Variants in FMN1 observed in about 807,000 individuals in gnomAD.
FMN1 encodes the protein formin-1.
A neutral mutation model predicts 132.4 loss-of-function variants in FMN1; 110 were observed. The observed-to-expected ratio is 0.83, with a 90% CI of 0.71 to 0.97. The LOEUF is 0.97. Ranked by LOEUF, FMN1 falls within the 50% of genes least tolerant of loss-of-function variation. The pLI, the probability that FMN1 is intolerant of heterozygous loss-of-function variation, is 0.00. For synonymous variants in FMN1, 722 were observed against 651.7 expected (o/e 1.11, Z -1.64); for missense variants, 1,792 against 1,705.3 (o/e 1.05, Z -0.90).
intron 17 of FMN1, among the ~76,000 whole-genome samples, chr15:32,813,953 T>C (rs1366393965): frequency 6.6e-6 from 1 of 152,186 alleles, no homozygotes; most frequent in Non-Finnish European, 1.5e-5. Context: ...AGGTGGTATT[T>C]TGAAGCTGCA....
intron 5 of FMN1, among the ~76,000 whole-genome samples, chr15:33,076,276 A>T (rs2038204829): frequency 1.3e-5 from 2 of 152,198 alleles, no homozygotes. Context: ...TTTCATTGTG[A>T]CTAAGTTGCT....
chr15:32,849,473 T>TTA (rs1555472304), intron 17 of FMN1, among the ~76,000 whole-genome samples: 10 of 151,528 alleles, frequency 6.6e-5, no homozygotes, highest in African/African-American at 2.4e-4. Flanking sequence ...ACTTTTTTTT[T>TTA]AAAAAAGATG....
intron 7 of FMN1, among the ~76,000 whole-genome samples, chr15:33,005,092 T>A (rs901950901): frequency 6.6e-6 from 1 of 152,004 alleles, no homozygotes; most frequent in Non-Finnish European, 1.5e-5. Flanking sequence ...TAATGCTAAA[T>A]GATGAGTTAA....
At chr15:33,108,846 TC>T (rs1441338080) in intron 4 of FMN1, among the ~76,000 whole-genome samples, 6 of 152,080 alleles carry the variant, frequency 3.9e-5, no homozygotes, top group African/African-American at 9.7e-5. Flanking sequence ...AAAAAGCAAT[TC>T]ATCCTAAATT....
chr15:33,175,075 G>A (rs1965469421), intron 3 of FMN1, among the ~76,000 whole-genome samples: 1 of 151,918 alleles, frequency 6.6e-6, no homozygotes, highest in South Asian at 2.1e-4. Context: ...CTGGAAGGTG[G>A]AGTGCAGTGG....
At chr15:32,894,377 G>A (rs2060104071) in intron 15 of FMN1, among the ~76,000 whole-genome samples, 1 of 151,928 alleles carries the variant, frequency 6.6e-6, no homozygotes, top group African/African-American at 2.4e-5. Flanking sequence ...CCAGCTACTT[G>A]GAAGGCTGAG....
intron 4 of FMN1, among the ~76,000 whole-genome samples, chr15:33,121,209 G>C (rs1212425562): frequency 6.6e-6 from 1 of 152,184 alleles, no homozygotes; most frequent in African/African-American, 2.4e-5. Context: ...TATCAATAGA[G>C]CAGTGGGTCC....
intron 7 of FMN1, among the ~76,000 whole-genome samples, chr15:32,988,240 T>C (rs993833602): frequency 7.2e-5 from 11 of 151,996 alleles, no homozygotes; most frequent in Admixed American, 6.6e-4. Context: ...CAAGCTCCTA[T>C]TTGTAAACCC....
At chr15:32,806,490 C>G (rs1433990239) in intron 17 of FMN1, among the ~76,000 whole-genome samples, 2 of 152,200 alleles carry the variant, frequency 1.3e-5, no homozygotes, top group African/African-American at 4.8e-5. Flanking sequence ...CATAATCTTC[C>G]TCATTGATTT....
chr15:33,021,448 C>T (rs547373853), intron 6 of FMN1, among the ~76,000 whole-genome samples: 86 of 151,386 alleles, frequency 5.7e-4, no homozygotes, highest in African/African-American at 2.0e-3. Context: ...TCTATGCATA[C>T]ACACACACAC....
chr15:32,894,998 T>G (rs948960246), intron 15 of FMN1, among the ~76,000 whole-genome samples: 1 of 152,210 alleles, frequency 6.6e-6, no homozygotes, highest in African/African-American at 2.4e-5. Flanking sequence ...ATTATTCCAG[T>G]GTGTGACTCT....
At chr15:32,809,366 C>A (rs1392480796) in intron 17 of FMN1, among the ~76,000 whole-genome samples, 1 of 152,148 alleles carries the variant, frequency 6.6e-6, no homozygotes, top group Non-Finnish European at 1.5e-5. Context: ...ACCAAAACTG[C>A]CATTTTAGAA....
intron 16 of FMN1, among the ~76,000 whole-genome samples, chr15:32,880,937 T>C (rs2059755254): frequency 6.6e-6 from 1 of 152,172 alleles, no homozygotes. Context: ...AAATATCACA[T>C]GGTAAGTGGC....
At chr15:33,133,939 A>G (rs1275327758) in intron 4 of FMN1, among the ~76,000 whole-genome samples, 4 of 152,140 alleles carry the variant, frequency 2.6e-5, no homozygotes, top group Non-Finnish European at 5.9e-5. Context: ...TAGATAATTA[A>G]TTCTACATCT....
intron 13 of FMN1, among the ~76,000 whole-genome samples, chr15:32,901,176 G>GAA (rs536797038): frequency 1.3e-5 from 2 of 151,878 alleles, no homozygotes; most frequent in Non-Finnish European, 2.9e-5. Flanking sequence ...AAGAAAGAAA[G>GAA]AAAGAAAAAA....
In FMN1 at chr15:32,890,276, GGATA is replaced by G. The variant is rs1163589284; in HGVS notation, c.3715-1988_3715-1985del. 5.9e-5 allele frequency among the ~76,000 whole-genome samples: 9 copies of G among 152,214 alleles called. No individual in the cohort carries two copies. In the East Asian group the frequency reaches 1.2e-3, roughly 20 times the overall value. ...TTCATATAATGACTTCTTTTCCTCT[GGATA>G]GATACCCAGTAGTGGGATTGCTAGA... On this transcript the variant is annotated intron_variant, in intron 15 of 20. Transcript: ENST00000616417.
At chr15:33,123,708 C>T (rs897897684) in intron 4 of FMN1, among the ~76,000 whole-genome samples, 4 of 152,184 alleles carry the variant, frequency 2.6e-5, no homozygotes, top group African/African-American at 9.6e-5. Context: ...TCCATGAATT[C>T]CTCACTCCAA....
At chr15:32,783,782 A>C (rs2056755289) in intron 19 of FMN1, among the ~76,000 whole-genome samples, 1 of 110,764 alleles carries the variant, frequency 9.0e-6, no homozygotes, top group African/African-American at 3.3e-5. Flanking sequence ...AAAAAAAAAA[A>C]AATAGTTGAA....
Position 32,774,355 on chromosome 15 carries a change from C to A in FMN1, c.4216-1G>T. 1 of 1,585,342 alleles carries A rather than the reference C, an allele frequency of 6.3e-7. No individual in the cohort carries two copies. Among genetic ancestry groups the A allele is most frequent in the Non-Finnish European group, 8.6e-7 (1 of 1,166,342 alleles). ...CTTCCTTCTGACGCAGTCTTTCTTT[C>A]TGTTAAGGAAAAAAAAATGAATGTA... is the stretch of plus-strand genomic sequence containing the variant. On this transcript the variant is annotated splice_acceptor_variant, in intron 20 of 20. Transcript: ENST00000616417. LOFTEE classifies it high-confidence loss of function.
Sources: allele counts gnomAD v4.1 joint callset (sites outside exome capture counted in the v4.1 genomes callset), GRCh38; gene constraint gnomAD v4.1.1; transcripts MANE v1.5; gene names NCBI Gene and HGNC (gene_info 2026-07-23, HGNC 2026-07-21).